The following GNB1 variants were observed in gnomAD, a reference collection of about 807,000 sequenced individuals.
The protein encoded by GNB1 is guanine nucleotide-binding protein G(I)/G(S)/G(T) subunit beta-1.
In GNB1, 2 loss-of-function variants were observed where a neutral mutation model predicts 42.9. That is an observed-to-expected ratio of 0.05 (90% CI 0.02 to 0.15). The LOEUF (loss-of-function observed/expected upper bound fraction) is 0.15. Ranked by LOEUF, GNB1 falls within the 10% of genes least tolerant of loss-of-function variation. The probability of loss-of-function intolerance (pLI) is 1.00; values close to 1 mark genes in which losing one functional copy is unlikely to be tolerated. For missense variants in GNB1, 193 were observed against 462.2 expected, an observed-to-expected ratio of 0.42 and a Z score of 5.34; for synonymous variants, 183 against 174.7, an observed-to-expected ratio of 1.05 and a Z score of -0.38.
Position 1,787,082 on chromosome 1 carries a change from GAA to G in GNB1, c.*10-31_*10-30del, listed in dbSNP as rs1167960318. The G allele has an allele frequency of 8.0e-6, 3 of 374,146 alleles. No individual in the cohort carries two copies. The highest frequency in any genetic ancestry group is 6.3e-5 in the African/African-American group (3 of 47,630). 23.2% of individuals were successfully genotyped at this position (374,146 alleles called of 1,614,324 possible). On this transcript the variant is annotated intron_variant, in intron 11 of 11. Coordinates refer to ENST00000378609, the MANE Select transcript of GNB1 (RefSeq NM_002074.5). This position sits in a 1 kb window ranked among gnomAD's most constrained non-coding sequence, Gnocchi z 4.4. ...TTTTAAACAGAGTTTAAAGAAATGTGAAAAGAGGCAGAGAATCTAAGTGCAGA... is the reference window on the plus strand; with the variant it reads ...TTTTAAACAGAGTTTAAAGAAATGTGAAGAGGCAGAGAATCTAAGTGCAGA...
At chr1:1,826,997 T>G (rs1312965658) in intron 2 of GNB1, among the ~76,000 whole-genome samples, 2 of 152,250 alleles carry the variant, frequency 1.3e-5, no homozygotes, top group African/African-American at 4.8e-5. Context: ...GTACGGCTTA[T>G]GCAAGCACTT....
At chr1:1,888,423 T>C (rs1296637706) in intron 1 of GNB1, among the ~76,000 whole-genome samples, 2 of 150,142 alleles carry the variant, frequency 1.3e-5, no homozygotes, top group African/African-American at 2.5e-5. Context: ...TGAAACCAAA[T>C]GCTCGTAACC....
intron 2 of GNB1, among the ~76,000 whole-genome samples, chr1:1,832,618 C>T (rs1647092252): frequency 6.6e-6 from 1 of 152,212 alleles, no homozygotes; most frequent in Non-Finnish European, 1.5e-5. Flanking sequence ...ATGCAATGTG[C>T]TCCGTGTAGT....
intron 1 of GNB1, among the ~76,000 whole-genome samples, chr1:1,885,837 C>A (rs563790947): frequency 6.8e-6 from 1 of 147,706 alleles, no homozygotes; most frequent in South Asian, 2.2e-4. Flanking sequence ...GGATTACAGG[C>A]GTGAGCCACC....
At chr1:1,828,868 G>A (rs1335478983) in intron 2 of GNB1, among the ~76,000 whole-genome samples, 1 of 149,094 alleles carries the variant, frequency 6.7e-6, no homozygotes, top group African/African-American at 2.5e-5. Flanking sequence ...ATGGCAAAAC[G>A]CTGTGTACAC....
chr1:1,852,164 A>C (rs1171954627), intron 1 of GNB1, among the ~76,000 whole-genome samples: 2 of 152,090 alleles, frequency 1.3e-5, no homozygotes, highest in Non-Finnish European at 2.9e-5. Context: ...CACGCCTGTA[A>C]TACCAGGGGG....
At position 1,838,111 on chromosome 1, in the gene GNB1, G is replaced by A. The variant is rs542522565; in HGVS notation, c.-47+1079C>T. Among the ~76,000 whole-genome samples the A allele has an allele frequency of 3.9e-5, 6 of 152,138 alleles. No individual in the cohort carries two copies. In the South Asian group the frequency reaches 8.3e-4, roughly 21 times the overall value. On this transcript the variant is annotated intron_variant, in intron 2 of 11. Coordinates refer to ENST00000378609, the MANE Select transcript of GNB1 (RefSeq NM_002074.5). Reference sequence around the variant, plus strand: ...CCAGCTAATTGGGAGGCTGAGACAGGAGAATGGCTTGAACCTGGGAGGGGG... The same window carrying A: ...CCAGCTAATTGGGAGGCTGAGACAGAAGAATGGCTTGAACCTGGGAGGGGG...
intron 1 of GNB1, among the ~76,000 whole-genome samples, chr1:1,887,292 T>C (rs772040228): frequency 6.6e-6 from 1 of 152,208 alleles, no homozygotes; most frequent in East Asian, 1.9e-4. Flanking sequence ...CCAATGTTAT[T>C]CATTAAAGTA....
chr1:1,861,401 T>TC (rs1458003224), intron 1 of GNB1, among the ~76,000 whole-genome samples: 1 of 150,944 alleles, frequency 6.6e-6, no homozygotes, highest in Admixed American at 6.6e-5. Flanking sequence ...CAAGTTATGA[T>TC]CCCACCGCTG....
At chr1:1,837,807 C>T (rs2101145549) in intron 2 of GNB1, among the ~76,000 whole-genome samples, 1 of 150,514 alleles carries the variant, frequency 6.6e-6, no homozygotes, top group East Asian at 2.1e-4. Context: ...TGATGATCTG[C>T]CCACCTTGGC....
intron 1 of GNB1, among the ~76,000 whole-genome samples, chr1:1,865,261 C>CA (rs1357509782): frequency 4.9e-5 from 6 of 122,778 alleles, no homozygotes; most frequent in East Asian, 4.8e-4. Flanking sequence ...GACTCCATCT[C>CA]AAAAAACAAA....
chr1:1,879,926 T>TTTG (rs541699934), intron 1 of GNB1, among the ~76,000 whole-genome samples: 2 of 151,902 alleles, frequency 1.3e-5, no homozygotes, highest in Non-Finnish European at 1.5e-5. Context: ...AGAGCTGTTT[T>TTTG]TTGTTGTTGT....
At chr1:1,886,703 A>AT (rs1262487767) in intron 1 of GNB1, among the ~76,000 whole-genome samples, 2 of 151,974 alleles carry the variant, frequency 1.3e-5, no homozygotes, top group Non-Finnish European at 2.9e-5. Context: ...CCAGTTTAAA[A>AT]TTTTTTTTAT....
intron 3 of GNB1, among the ~76,000 whole-genome samples, chr1:1,820,306 TGAGATCACACCACTGCA>T (rs1026663051): frequency 7.3e-6 from 1 of 137,666 alleles, no homozygotes; most frequent in African/African-American, 2.8e-5. Context: ...TGCAGTGAGC[TGAGATCACACCACTGCA>T]CTCCAGCCCG....
chr1:1,804,429 T>C lies in GNB1; in HGVS notation c.420A>G (p.Ala140=). 6.2e-7 allele frequency: 1 copy of C among 1,613,516 alleles called. No individual in the cohort carries two copies. Among genetic ancestry groups the C allele is most frequent in the Non-Finnish European group, 8.5e-7 (1 of 1,179,428 alleles). Residue 140 remains alanine (A), a synonymous_variant, in exon 7 of 12, where the codon GCA becomes GCG. Transcript: ENST00000378609. ...EGNVRVSREL[A]GHTGYLSCCR... ...AACAAGGACAGGTACCTGTGTGTCCTGCCAGCTCACGACTCACGCGCACGT... is the reference window on the plus strand; with the variant it reads ...AACAAGGACAGGTACCTGTGTGTCCCGCCAGCTCACGACTCACGCGCACGT...
intron 7 of GNB1, among the ~76,000 whole-genome samples, chr1:1,801,987 A>G (rs1646632508): frequency 6.6e-6 from 1 of 152,224 alleles, no homozygotes; most frequent in Admixed American, 6.5e-5. Context: ...ACAGTTCATC[A>G]TGAGAGCAGG....
At chr1:1,823,620 G>C (rs1646961471) in intron 3 of GNB1, among the ~76,000 whole-genome samples, 1 of 152,086 alleles carries the variant, frequency 6.6e-6, no homozygotes, top group South Asian at 2.1e-4. Flanking sequence ...ATTCACCTAT[G>C]TAAGATCTTT....
intron 9 of GNB1, among the ~76,000 whole-genome samples, chr1:1,789,984 T>A (rs1030625825): frequency 1.3e-5 from 2 of 152,182 alleles, no homozygotes; most frequent in Non-Finnish European, 2.9e-5. Context: ...AACCAACAGA[T>A]ACATCCTTCT....
chr1:1,851,138 G>A (rs1030294760), intron 1 of GNB1, among the ~76,000 whole-genome samples: 1 of 152,120 alleles, frequency 6.6e-6, no homozygotes, highest in Non-Finnish European at 1.5e-5. Context: ...CGCCAGGCGC[G>A]GAGGCTCATG....
Sources: allele counts gnomAD v4.1 joint callset (sites outside exome capture counted in the v4.1 genomes callset), GRCh38; gene constraint gnomAD v4.1.1; non-coding constraint Gnocchi (gnomAD v3.1); transcripts MANE v1.5; gene names NCBI Gene and HGNC (gene_info 2026-07-23, HGNC 2026-07-21).